APBB2: variants seen among roughly 807,000 people sequenced by gnomAD.
APBB2 encodes Fe65-like 1.
In APBB2, 38 loss-of-function variants were observed where a neutral mutation model predicts 82.5. The observed-to-expected ratio is 0.46, with a 90% CI of 0.36 to 0.60. The LOEUF (loss-of-function observed/expected upper bound fraction) is 0.60. Ranked by LOEUF, APBB2 falls within the 20% of genes least tolerant of loss-of-function variation. The pLI, the probability that APBB2 is intolerant of heterozygous loss-of-function variation, is 0.00. For missense variants in APBB2, 772 were observed against 972.3 expected (o/e 0.79, Z 2.74); for synonymous variants, 341 against 368.2 (o/e 0.93, Z 0.85).
chr4:40,891,515 G>C (rs921984307), intron 11 of APBB2, among the ~76,000 whole-genome samples: 28 of 152,262 alleles, frequency 1.8e-4, no homozygotes, highest in Admixed American at 1.4e-3. Context: ...TTGCTTTCTG[G>C]TATAGTTTTG....
intron 12 of APBB2, among the ~76,000 whole-genome samples, chr4:40,869,476 T>C (rs1347611554): frequency 3.3e-5 from 5 of 151,886 alleles, no homozygotes; most frequent in African/African-American, 7.3e-5. Context: ...TAATCCCAGC[T>C]ACTCTGGAGG....
intron 10 of APBB2, among the ~76,000 whole-genome samples, chr4:40,894,700 C>T (rs945748576): frequency 6.6e-6 from 1 of 152,182 alleles, no homozygotes; most frequent in Non-Finnish European, 1.5e-5. Flanking sequence ...TGAGATCATA[C>T]TTCTTTTTTA....
At position 41,145,050 on chromosome 4, in the gene APBB2, G is replaced by A. The variant is rs530199254; in HGVS notation, c.-416-1908C>T. On this transcript the variant is annotated intron_variant, in intron 1 of 17. Coordinates refer to ENST00000508593, the MANE Select transcript of APBB2 (RefSeq NM_004307.2). ...TGGGAAGGTCACTACAGCCTGGGAA[G>A]TCGGGGCTGCAGTGAGCCATGTTCA... Among the ~76,000 whole-genome samples the A allele has an allele frequency of 5.9e-5, 9 of 152,364 alleles. No individual in the cohort carries two copies. The South Asian group carries it at 1.9e-3, about 32-fold the overall frequency.
intron 4 of APBB2, among the ~76,000 whole-genome samples, chr4:41,060,044 GCACT>G (rs886209589): frequency 6.6e-6 from 1 of 151,946 alleles, no homozygotes; most frequent in African/African-American, 2.4e-5. Context: ...CACCCATGGG[GCACT>G]AACTGAGGAA....
chr4:40,864,043 G>A (rs1304551679), intron 12 of APBB2, among the ~76,000 whole-genome samples: 1 of 152,100 alleles, frequency 6.6e-6, no homozygotes, highest in Non-Finnish European at 1.5e-5. Flanking sequence ...TGGATCAGGA[G>A]GTCAAGAGAT....
In APBB2 at chr4:41,197,605, G is replaced by T; in HGVS notation, c.-417+16800C>A. Among the ~76,000 whole-genome samples the T allele has an allele frequency of 2.4e-4, 36 of 152,258 alleles. No homozygotes were observed. The Middle Eastern group carries it at 0.01, about 43-fold the overall frequency. Reference sequence around the variant, plus strand: ...ACTCTTGTAGCACTGTGACTGCTGGGTGTCTGCTGTACCTGCCAACGTCTT... The same window carrying T: ...ACTCTTGTAGCACTGTGACTGCTGGTTGTCTGCTGTACCTGCCAACGTCTT... On this transcript the variant is annotated intron_variant, in intron 1 of 17. Transcript: ENST00000508593.
chr4:41,004,568 C>T lies in APBB2; in HGVS notation c.835+9015G>A, dbSNP rs536345676. On this transcript the variant is annotated intron_variant, in intron 6 of 17. Coordinates refer to ENST00000508593, the MANE Select transcript of APBB2 (RefSeq NM_004307.2). ...AAAATGACTGGCATGTGGCCGGGCA[C>T]GATGGTTCACGCCTGTAATCCCAGC... Among the ~76,000 whole-genome samples the T allele has an allele frequency of 5.3e-5, 8 of 150,664 alleles. No homozygotes were observed. In the South Asian group the frequency reaches 1.5e-3, roughly 28 times the overall value.
chr4:40,911,606 T>G (rs946080947), intron 10 of APBB2, among the ~76,000 whole-genome samples: 1 of 152,104 alleles, frequency 6.6e-6, no homozygotes, highest in Admixed American at 6.5e-5. Context: ...CCCAATCCAA[T>G]CCATGTCTGG....
chr4:40,993,361 CTTTTTTTTT>C (rs34787320), intron 6 of APBB2, among the ~76,000 whole-genome samples: 204 of 114,622 alleles, frequency 1.8e-3, no homozygotes, highest in African/African-American at 6.9e-3. Flanking sequence ...ACTCTTCTCT[CTTTTTTTTT>C]TTTTTTTTTT....
chr4:41,184,508 C>T (rs926888359), intron 1 of APBB2, among the ~76,000 whole-genome samples: 2 of 152,158 alleles, frequency 1.3e-5, no homozygotes, highest in African/African-American at 4.8e-5. Context: ...GCCCCAGAGC[C>T]CTTAATTCCT....
At chr4:41,173,249 A>G in intron 1 of APBB2, among the ~76,000 whole-genome samples, 1 of 152,246 alleles carries the variant, frequency 6.6e-6, no homozygotes, top group East Asian at 1.9e-4. Flanking sequence ...CAGAAGGATT[A>G]CCATTTAAAA....
intron 6 of APBB2, among the ~76,000 whole-genome samples, chr4:40,950,203 T>C (rs571767424): frequency 3.3e-5 from 5 of 152,222 alleles, no homozygotes; most frequent in African/African-American, 1.2e-4. Flanking sequence ...TTGGCAGGCA[T>C]GTAGAACAAC....
intron 6 of APBB2, among the ~76,000 whole-genome samples, chr4:40,953,419 G>A (rs75008763): frequency 0.045 from 6,821 of 152,082 alleles, 499 homozygotes; most frequent in African/African-American, 0.15. Flanking sequence ...CAAGGCTGAG[G>A]CTATGAGATC....
At chr4:40,969,291 AGT>A (rs879690703) in intron 6 of APBB2, among the ~76,000 whole-genome samples, 4 of 152,222 alleles carry the variant, frequency 2.6e-5, no homozygotes, top group Non-Finnish European at 5.9e-5. Context: ...AGGACCCTGA[AGT>A]TACATGTGTG....
intron 1 of APBB2, 70 bp from the exon 2 acceptor site, chr4:41,143,212 A>C (rs1759732377): frequency 3.3e-5 from 5 of 152,246 alleles, no homozygotes. Context: ...TCAAGGGCAC[A>C]TATTTGGCAG....
At chr4:41,116,622 AC>A (rs2153986708) in intron 2 of APBB2, among the ~76,000 whole-genome samples, 1 of 151,926 alleles carries the variant, frequency 6.6e-6, no homozygotes, top group South Asian at 2.1e-4. Context: ...CAAGAGCGAA[AC>A]TCTGTCTCAA....
chr4:40,934,961 C>T, intron 8 of APBB2, 116 bp downstream of exon 8: 1 of 910,026 alleles, frequency 1.1e-6, no homozygotes, highest in Non-Finnish European at 1.6e-6. Context: ...TAGCAAGAAG[C>T]CCGATCACTG....
At chr4:40,922,529 C>A (rs10027717) in intron 10 of APBB2, among the ~76,000 whole-genome samples, 2,893 of 152,284 alleles carry the variant, frequency 0.019, 79 homozygotes, top group African/African-American at 0.062. Context: ...TAGGGCCTCA[C>A]AATTGGATGA....
intron 3 of APBB2, among the ~76,000 whole-genome samples, chr4:41,071,612 C>G (rs929535710): frequency 6.6e-6 from 1 of 152,012 alleles, no homozygotes; most frequent in South Asian, 2.1e-4. Context: ...ACCCGGGAGG[C>G]AGAGGTTGCA....
Sources: allele counts gnomAD v4.1 joint callset (sites outside exome capture counted in the v4.1 genomes callset), GRCh38; gene constraint gnomAD v4.1.1; transcripts MANE v1.5; gene names NCBI Gene and HGNC (gene_info 2026-07-23, HGNC 2026-07-21).